Variants in FAM53A observed in about 807,000 individuals in gnomAD.
The protein encoded by FAM53A is protein FAM53A.
FAM53A carries 28 observed loss-of-function variants against 26.6 expected under a neutral mutation model. The ratio of observed to expected loss-of-function variants is 1.05; its 90% CI spans 0.78 to 1.45. FAM53A has a LOEUF of 1.45. FAM53A is among the 40% of genes most tolerant of loss of function. The pLI is 0.00. For synonymous variants in FAM53A, 290 were observed against 253.1 expected, an observed-to-expected ratio of 1.15 and a Z score of -1.38; for missense variants, 650 against 575.8, an observed-to-expected ratio of 1.13 and a Z score of -1.32.
At chr4:1,639,238 C>A (rs916171129), downstream of FAM53A, among the ~76,000 whole-genome samples, 2 of 152,204 alleles carry the variant, frequency 1.3e-5, no homozygotes, top group Admixed American at 1.3e-4. Context: ...ACCTGAGGGA[C>A]CCTGCCCTGT....
chr4:1,645,835 C>A (rs1712190957), intron 4 of FAM53A, among the ~76,000 whole-genome samples: 1 of 152,242 alleles, frequency 6.6e-6, no homozygotes, highest in African/African-American at 2.4e-5. Context: ...CTCAAACATT[C>A]CATGTTCTTG....
At chr4:1,598,688 G>A in the FAM53A span, among the ~76,000 whole-genome samples, 2 of 152,216 alleles carry the variant, frequency 1.3e-5, no homozygotes, top group African/African-American at 4.8e-5. Context: ...TACGAGAAGT[G>A]TATCTCTTAC....
chr4:1,630,693 C>A lies in FAM53A; in HGVS notation c.432-12582G>T, dbSNP rs367702853. Among the ~76,000 whole-genome samples the A allele has an allele frequency of 6.6e-6, 1 of 152,232 alleles. No homozygotes were observed. The highest frequency in any genetic ancestry group is 3.4e-3 in the Middle Eastern group (1 of 294). ...AAAAGGCCCGCACAGCATGATCCCACGTCTACGAAATGCCCAGCTCCACAG... is the reference window on the plus strand; with the variant it reads ...AAAAGGCCCGCACAGCATGATCCCAAGTCTACGAAATGCCCAGCTCCACAG... On this transcript the variant is annotated intron_variant, in intron 1 of 1. Transcript: ENST00000489029. The surrounding 1 kb of genome is among the most constrained non-coding windows in gnomAD (Gnocchi z 4.3).
chr4:1,659,625 T>TCC lies in FAM53A; in HGVS notation c.76-2159_76-2158dup, dbSNP rs977626442. ...GTGCAGCAGACAAACAGAGCCAGGG[T>TCC]CCCCGGGAGACAGGAAAGGCTGGGC... On this transcript the variant is annotated intron_variant, in intron 2 of 4. Transcript: ENST00000308132. This position sits in a 1 kb window ranked among gnomAD's most constrained non-coding sequence, Gnocchi z 5.2. Among the ~76,000 whole-genome samples, 1 of 151,920 alleles carries TCC rather than the reference T, an allele frequency of 6.6e-6. No homozygotes were observed. Among genetic ancestry groups the TCC allele is most frequent in the African/African-American group, 2.4e-5 (1 of 41,322 alleles).
At chr4:1,651,630 G>C (rs565327186) in intron 4 of FAM53A, among the ~76,000 whole-genome samples, 1 of 152,054 alleles carries the variant, frequency 6.6e-6, no homozygotes, top group Non-Finnish European at 1.5e-5. Context: ...CAGAATAACC[G>C]GGGTCAAGAG....
intron 4 of FAM53A, among the ~76,000 whole-genome samples, chr4:1,650,468 T>C (rs1239892515): frequency 1.3e-5 from 2 of 151,948 alleles, no homozygotes; most frequent in Non-Finnish European, 2.9e-5. Flanking sequence ...GGCGTGGTGG[T>C]TTTTGGTTTT....
the FAM53A span, among the ~76,000 whole-genome samples, chr4:1,610,691 C>T: frequency 0.067 from 10,222 of 152,062 alleles, 1,207 homozygotes; most frequent in African/African-American, 0.23. Context: ...CTGGGCACCC[C>T]AGCTGGGCAG....
the FAM53A span, among the ~76,000 whole-genome samples, chr4:1,606,557 G>T: frequency 6.6e-6 from 1 of 152,186 alleles, no homozygotes; most frequent in African/African-American, 2.4e-5. Flanking sequence ...CCTGCCTACC[G>T]CGTGACTCAG....
rs1038936553 is a variant in FAM53A at position 1,654,409 on chromosome 4, G to A, written c.882+569C>T. Among the ~76,000 whole-genome samples, 13 of 152,338 alleles carry A rather than the reference G, an allele frequency of 8.5e-5. No individual in the cohort carries two copies. The East Asian group carries it at 2.5e-3, about 29-fold the overall frequency. ...CCTGTGACGGGGGTGTGGAGAGGTGGGTGGCACTGAGAATCTTCAAGTGGG... is the reference window on the plus strand; with the variant it reads ...CCTGTGACGGGGGTGTGGAGAGGTGAGTGGCACTGAGAATCTTCAAGTGGG... On this transcript the variant is annotated intron_variant, in intron 4 of 4. Coordinates refer to ENST00000308132, the MANE Select transcript of FAM53A (RefSeq NM_001174070.3).
intron 2 of FAM53A, among the ~76,000 whole-genome samples, chr4:1,663,716 C>G (rs1303502933): frequency 1.3e-5 from 2 of 152,074 alleles, no homozygotes; most frequent in African/African-American, 4.8e-5. Context: ...CACCTGCAAT[C>G]TCAGCACTTT....
intron 1 of FAM53A, among the ~76,000 whole-genome samples, chr4:1,623,346 C>T (rs1407125667): frequency 1.3e-5 from 2 of 151,802 alleles, no homozygotes; most frequent in South Asian, 2.1e-4. Context: ...CCACCCCCAC[C>T]GCAGCCCCGG....
chr4:1,610,017 G>A, the FAM53A span, among the ~76,000 whole-genome samples: 1 of 151,974 alleles, frequency 6.6e-6, no homozygotes, highest in Non-Finnish European at 1.5e-5. Flanking sequence ...ATAGCAGCAT[G>A]AGAATGGACT....
At chr4:1,642,305 T>C (rs1711784251) in intron 4 of FAM53A, among the ~76,000 whole-genome samples, 1 of 152,112 alleles carries the variant, frequency 6.6e-6, no homozygotes, top group Non-Finnish European at 1.5e-5. Context: ...AGGCCCGCCC[T>C]CATCCCAGGC....
intron 4 of FAM53A, among the ~76,000 whole-genome samples, chr4:1,647,334 C>T (rs1025030913): frequency 1.4e-5 from 2 of 145,974 alleles, no homozygotes; most frequent in African/African-American, 2.5e-5. Context: ...GACTCCATCT[C>T]GGGAAAAAAA....
chr4:1,619,995 G>A (rs1412569626), intron 1 of FAM53A, among the ~76,000 whole-genome samples: 1 of 151,720 alleles, frequency 6.6e-6, no homozygotes, highest in Non-Finnish European at 1.5e-5. Flanking sequence ...AGATCACAAG[G>A]TCAGGAGTTC....
At position 1,655,365 on chromosome 4, in the gene FAM53A, G is replaced by A. The variant is rs1301484887; in HGVS notation, c.495C>T (p.Pro165=). 1.1e-5 allele frequency: 16 copies of A among 1,441,558 alleles called. No individual in the cohort carries two copies. Among genetic ancestry groups the A allele is most frequent in the Admixed American group, 3.0e-5 (1 of 33,860 alleles). The allele number at this position is 1,441,558 out of a possible 1,614,324, so 89.3% of individuals were successfully genotyped here. ...CAGCACTCCTCGGCAGGACGGCGCCGGGGCTTCCCTGCCGCGTGGCACTCC... is the reference window on the plus strand; with the variant it reads ...CAGCACTCCTCGGCAGGACGGCGCCAGGGCTTCCCTGCCGCGTGGCACTCC... ...SGGSATRQGS[P]GAVLPRSAVW... The change falls in exon 4 of 5, where the codon CCC becomes CCT. Residue 165 remains proline (P), a synonymous_variant. Transcript: ENST00000308132.
chr4:1,683,697 G>C, intron 1 of FAM53A: 1 of 152,236 alleles, frequency 6.6e-6, no homozygotes, highest in Non-Finnish European at 1.5e-5. Context: ...AACTCACGAG[G>C]CCACTTAACA....
chr4:1,634,886 G>A (rs1269552527), intron 1 of FAM53A, among the ~76,000 whole-genome samples: 2 of 149,802 alleles, frequency 1.3e-5, no homozygotes, highest in Non-Finnish European at 3.0e-5. Flanking sequence ...GGCAACAAGA[G>A]AGAAACTCTG....
chr4:1,653,692 G>C (rs889297560), intron 4 of FAM53A, among the ~76,000 whole-genome samples: 5 of 152,222 alleles, frequency 3.3e-5, no homozygotes, highest in Non-Finnish European at 5.9e-5. Flanking sequence ...AGGGAAGTCT[G>C]GGTTTTCAAC....
Sources: gnomAD v4.1 joint callset for allele counts (sites outside exome capture counted in the v4.1 genomes callset) on GRCh38, gnomAD v4.1.1 for gene constraint, Gnocchi (gnomAD v3.1) non-coding constraint, MANE v1.5 for transcripts, NCBI Gene and HGNC (gene_info 2026-07-23, HGNC 2026-07-21) for gene names.